Variants in DLG2 observed in about 807,000 individuals in gnomAD.
DLG2 encodes discs large MAGUK scaffold protein 2, also known as disks large homolog 2.
A neutral mutation model predicts 132.5 loss-of-function variants in DLG2; 45 were observed. The ratio of observed to expected loss-of-function variants is 0.34; its 90% CI spans 0.27 to 0.44. DLG2 has a LOEUF of 0.44. DLG2 is among the 20% of genes least tolerant of loss of function. The pLI, the probability that DLG2 is intolerant of heterozygous loss-of-function variation, is 1.00. For missense variants in DLG2, 1,045 were observed against 1,196.9 expected (o/e 0.87, Z 1.87); for synonymous variants, 424 against 419.6 (o/e 1.01, Z -0.13).
At chr11:85,350,216 A>C (rs2083177336) in intron 3 of DLG2, among the ~76,000 whole-genome samples, 1 of 152,192 alleles carries the variant, frequency 6.6e-6, no homozygotes, top group South Asian at 2.1e-4. Context: ...TCTTCTTTTG[A>C]GAAGTGTCTG....
chr11:85,395,799 G>A (rs938244001), intron 3 of DLG2, among the ~76,000 whole-genome samples: 2 of 152,224 alleles, frequency 1.3e-5, no homozygotes, highest in African/African-American at 2.4e-5. Context: ...GCTCAGCAAG[G>A]CCTACTGCCT....
At chr11:84,362,920 T>C (rs1215930811) in intron 7 of DLG2, among the ~76,000 whole-genome samples, 2 of 152,118 alleles carry the variant, frequency 1.3e-5, no homozygotes, top group African/African-American at 2.4e-5. Context: ...TGTTGGACAT[T>C]TGGGTTGGTT....
chr11:85,398,001 A>C (rs1040335689), intron 3 of DLG2, among the ~76,000 whole-genome samples: 7 of 152,194 alleles, frequency 4.6e-5, no homozygotes, highest in African/African-American at 1.7e-4. Context: ...CATTGCACTT[A>C]TTCTAAAATT....
At chr11:85,360,444 C>T (rs894518787) in intron 3 of DLG2, among the ~76,000 whole-genome samples, 12 of 152,146 alleles carry the variant, frequency 7.9e-5, no homozygotes, top group African/African-American at 2.9e-4. Context: ...GCATTTAGTA[C>T]ATGGTAAGTT....
chr11:85,525,863 C>G (rs900217367), intron 3 of DLG2, among the ~76,000 whole-genome samples: 1 of 151,996 alleles, frequency 6.6e-6, no homozygotes, highest in African/African-American at 2.4e-5. Flanking sequence ...AGAGACTAGA[C>G]AGGAGAGATC....
intron 18 of DLG2, among the ~76,000 whole-genome samples, chr11:83,725,893 A>G (rs1170655070): frequency 6.6e-6 from 1 of 152,164 alleles, no homozygotes; most frequent in Non-Finnish European, 1.5e-5. Context: ...TCGGTTTAAC[A>G]AGGCACTATT....
At chr11:84,196,726 T>C (rs540254997) in intron 8 of DLG2, among the ~76,000 whole-genome samples, 80 of 152,132 alleles carry the variant, frequency 5.3e-4, no homozygotes, top group African/African-American at 1.5e-3. Flanking sequence ...GAGTGTTTCC[T>C]AAAGAAACAA....
intron 4 of DLG2, among the ~76,000 whole-genome samples, chr11:85,219,605 A>G (rs530501450): frequency 1.3e-5 from 2 of 151,476 alleles, no homozygotes; most frequent in South Asian, 4.2e-4. Context: ...TTCCTTGGAG[A>G]TGCATCACTC....
rs575101139 is a variant in DLG2, at chr11:84,171,367, T to A, written c.574-7856A>T. On this transcript the variant is annotated intron_variant, in intron 8 of 27. Coordinates refer to ENST00000376104, the MANE Select transcript of DLG2 (RefSeq NM_001142699.3). ...ATCACCTAAGGTACACTGTATCTAT[T>A]GGGTAATTTCTTATCCCTCATTCCA... Among the ~76,000 whole-genome samples the A allele has an allele frequency of 6.6e-5, 10 of 152,302 alleles. No individual in the cohort carries two copies. The South Asian group carries it at 2.1e-3, about 32-fold the overall frequency.
At chr11:85,196,760 A>T (rs1448497067) in intron 4 of DLG2, among the ~76,000 whole-genome samples, 2 of 152,206 alleles carry the variant, frequency 1.3e-5, no homozygotes, top group East Asian at 1.9e-4. Flanking sequence ...AGTATGGATA[A>T]TTATCATGAA....
intron 3 of DLG2, among the ~76,000 whole-genome samples, chr11:85,357,515 T>C (rs2083801034): frequency 6.9e-6 from 1 of 145,378 alleles, no homozygotes; most frequent in Admixed American, 7.2e-5. Context: ...GGTGGCACTG[T>C]TGTAATTGTT....
At chr11:84,505,261 T>C (rs1013819814) in intron 7 of DLG2, among the ~76,000 whole-genome samples, 1 of 152,180 alleles carries the variant, frequency 6.6e-6, no homozygotes, top group Admixed American at 6.5e-5. Flanking sequence ...ATGTAAATTT[T>C]AGCTTTTAAA....
intron 6 of DLG2, among the ~76,000 whole-genome samples, chr11:84,845,383 C>G (rs1187395732): frequency 6.6e-6 from 1 of 151,994 alleles, no homozygotes; most frequent in Non-Finnish European, 1.5e-5. Context: ...ACAAAACAAA[C>G]AAAATTCTCT....
At chr11:85,278,982 A>T (rs1250338515) in intron 4 of DLG2, among the ~76,000 whole-genome samples, 2 of 152,204 alleles carry the variant, frequency 1.3e-5, no homozygotes, top group African/African-American at 2.4e-5. Flanking sequence ...TTATATTTTT[A>T]ACTATAAAAT....
At chr11:85,504,902 T>C (rs1332340807) in intron 3 of DLG2, among the ~76,000 whole-genome samples, 4 of 152,210 alleles carry the variant, frequency 2.6e-5, no homozygotes, top group Non-Finnish European at 5.9e-5. Flanking sequence ...CAGTGCTTTG[T>C]AGTTCTCCTT....
intron 6 of DLG2, among the ~76,000 whole-genome samples, chr11:84,968,552 T>C (rs1350722284): frequency 6.6e-6 from 1 of 152,184 alleles, no homozygotes; most frequent in Non-Finnish European, 1.5e-5. Flanking sequence ...AAAATTTTTA[T>C]TTTAGTTTCT....
At chr11:84,023,489 C>A (rs2095454767) in intron 11 of DLG2, among the ~76,000 whole-genome samples, 1 of 152,094 alleles carries the variant, frequency 6.6e-6, no homozygotes, top group African/African-American at 2.4e-5. Flanking sequence ...AGGATTTGAA[C>A]CTAGATTTAC....
chr11:84,134,938 A>G lies in DLG2; in HGVS notation c.624+28523T>C, dbSNP rs544700205. ...GGGTGAAGGGCAATGATCATTTTGA[A>G]TGGCAATTGCCATCTTAGGAGGAAA... On this transcript the variant is annotated intron_variant, in intron 9 of 27. Coordinates refer to ENST00000376104, the MANE Select transcript of DLG2 (RefSeq NM_001142699.3). 5.3e-5 allele frequency among the ~76,000 whole-genome samples: 8 copies of G among 152,154 alleles called. No homozygotes were observed. The South Asian group carries it at 1.7e-3, about 32-fold the overall frequency.
In DLG2 at chr11:85,388,683, G is replaced by A. The variant is rs376169781; in HGVS notation, c.41-103318C>T. On this transcript the variant is annotated intron_variant, in intron 3 of 27. Transcript: ENST00000376104. Reference sequence around the variant, plus strand: ...AGATCATATCACAGGACTCTTTGCAGACACTACCCAGTACCAGCCAGAAGC... The same window carrying A: ...AGATCATATCACAGGACTCTTTGCAAACACTACCCAGTACCAGCCAGAAGC... Among the ~76,000 whole-genome samples, 16 of 152,170 alleles carry A rather than the reference G, an allele frequency of 1.1e-4. No homozygotes were observed. The East Asian group carries it at 1.2e-3, about 11-fold the overall frequency.
Sources: gnomAD v4.1 joint callset for allele counts (sites outside exome capture counted in the v4.1 genomes callset) on GRCh38, gnomAD v4.1.1 for gene constraint, MANE v1.5 for transcripts, NCBI Gene and HGNC (gene_info 2026-07-23, HGNC 2026-07-21) for gene names.